The following LRMDA variants were observed in gnomAD, a reference collection of about 807,000 sequenced individuals.
LRMDA encodes leucine rich melanocyte differentiation associated, also known as leucine-rich melanocyte differentiation-associated protein.
In LRMDA, 18 loss-of-function variants were observed where a neutral mutation model predicts 29.8. The ratio of observed to expected loss-of-function variants is 0.60; its 90% CI spans 0.42 to 0.90. LRMDA has a LOEUF of 0.90. Ranked by LOEUF, LRMDA falls within the 40% of genes least tolerant of loss-of-function variation. LRMDA has a pLI of 0.00. For synonymous variants in LRMDA, 125 were observed against 109.4 expected (o/e 1.14, Z -0.89); for missense variants, 273 against 273.9 (o/e 1.00, Z 0.02).
At chr10:76,431,569 A>T (rs1192141489) in intron 6 of LRMDA, among the ~76,000 whole-genome samples, 2 of 152,232 alleles carry the variant, frequency 1.3e-5, no homozygotes, top group Non-Finnish European at 2.9e-5. Context: ...TAGGGCAGTT[A>T]TAAATGTAAC....
chr10:75,623,803 G>A (rs1841216738), intron 2 of LRMDA, among the ~76,000 whole-genome samples: 1 of 152,190 alleles, frequency 6.6e-6, no homozygotes, highest in Non-Finnish European at 1.5e-5. Flanking sequence ...CAGCCAAAGT[G>A]GTTTCTTTTT....
At chr10:76,146,074 G>C (rs1850311692) in intron 5 of LRMDA, among the ~76,000 whole-genome samples, 1 of 151,906 alleles carries the variant, frequency 6.6e-6, no homozygotes, top group African/African-American at 2.4e-5. Flanking sequence ...TATAATTTCT[G>C]TTCTTTTACA....
intron 2 of LRMDA, among the ~76,000 whole-genome samples, chr10:75,518,207 C>G (rs976904986): frequency 6.6e-6 from 1 of 152,174 alleles, no homozygotes; most frequent in Admixed American, 6.5e-5. Context: ...GAGGATGATG[C>G]TGGCCTCATA....
At chr10:75,459,602 A>G (rs1844560745) in intron 2 of LRMDA, among the ~76,000 whole-genome samples, 1 of 152,216 alleles carries the variant, frequency 6.6e-6, no homozygotes, top group African/African-American at 2.4e-5. Context: ...GAATACAAAT[A>G]TATATATTTT....
intron 5 of LRMDA, among the ~76,000 whole-genome samples, chr10:76,190,117 T>C (rs1323464551): frequency 6.6e-6 from 1 of 152,142 alleles, no homozygotes; most frequent in Non-Finnish European, 1.5e-5. Context: ...GTCTGAAGGC[T>C]CACAATTCAA....
At chr10:75,765,507 T>C (rs971329615) in intron 2 of LRMDA, among the ~76,000 whole-genome samples, 1 of 152,226 alleles carries the variant, frequency 6.6e-6, no homozygotes, top group Non-Finnish European at 1.5e-5. Context: ...GACTATTTAC[T>C]TCACATGGCA....
chr10:75,675,841 T>C (rs1841953857), intron 2 of LRMDA, among the ~76,000 whole-genome samples: 1 of 152,210 alleles, frequency 6.6e-6, no homozygotes. Context: ...GATTAGAGCC[T>C]TTTGAAATCT....
At chr10:75,482,600 G>A (rs1262786510) in intron 2 of LRMDA, among the ~76,000 whole-genome samples, 1 of 152,108 alleles carries the variant, frequency 6.6e-6, no homozygotes, top group Non-Finnish European at 1.5e-5. Flanking sequence ...CCTGCACAGG[G>A]TCTGACCCAT....
chr10:76,214,511 A>AT (rs375752437), intron 5 of LRMDA, among the ~76,000 whole-genome samples: 9,296 of 150,152 alleles, frequency 0.062, 328 homozygotes, highest in South Asian at 0.089. Context: ...CGCCCGGCTA[A>AT]TTTTTTGTAT....
At chr10:75,710,380 G>A (rs77942445) in intron 2 of LRMDA, among the ~76,000 whole-genome samples, 2,234 of 152,222 alleles carry the variant, frequency 0.015, 70 homozygotes, top group African/African-American at 0.052. Flanking sequence ...TAACAATACG[G>A]TTAATAGCAA....
At position 75,586,344 on chromosome 10, in the gene LRMDA, C is replaced by CTTTTTTTTTTTT. The variant is rs748097971; in HGVS notation, c.131+147864_131+147875dup. Among the ~76,000 whole-genome samples, 3 of 29,036 alleles carry CTTTTTTTTTTTT rather than the reference C, an allele frequency of 1.0e-4. 1 individual carries two copies. The highest frequency in any genetic ancestry group is 2.0e-4 in the Non-Finnish European group (3 of 14,748). The allele number at this position is 29,036 out of a possible 152,430, so 19.0% of individuals were successfully genotyped here. ...TTTCTTCACATCTTCACCAACACGT[C>CTTTTTTTTTTTT]TTTTTTTTTTTTTTTTTTTTTTTTT... On this transcript the variant is annotated intron_variant, in intron 2 of 6. Transcript: ENST00000611255.
At chr10:76,468,133 G>A (rs1842582240) in intron 6 of LRMDA, among the ~76,000 whole-genome samples, 1 of 128,580 alleles carries the variant, frequency 7.8e-6, no homozygotes, top group African/African-American at 2.5e-5. Flanking sequence ...GCTGTAGACT[G>A]TAGCTATGCC....
At chr10:76,031,740 G>A (rs1319179334) in intron 2 of LRMDA, among the ~76,000 whole-genome samples, 1 of 152,132 alleles carries the variant, frequency 6.6e-6, no homozygotes, top group Non-Finnish European at 1.5e-5. Context: ...TAAAAATATG[G>A]GCAGGGATAT....
intron 2 of LRMDA, among the ~76,000 whole-genome samples, chr10:75,945,165 T>A (rs777293857): frequency 6.6e-6 from 1 of 152,210 alleles, no homozygotes; most frequent in Non-Finnish European, 1.5e-5. Context: ...ATGCTGAGAT[T>A]TTGTTCTAGC....
At chr10:75,988,338 C>A (rs1272004943) in intron 2 of LRMDA, among the ~76,000 whole-genome samples, 4 of 152,102 alleles carry the variant, frequency 2.6e-5, no homozygotes, top group Admixed American at 6.5e-5. Flanking sequence ...CCTCCACCAC[C>A]TTGAAGGCCG....
At chr10:75,894,951 A>G (rs1163625925) in intron 2 of LRMDA, among the ~76,000 whole-genome samples, 1 of 152,220 alleles carries the variant, frequency 6.6e-6, no homozygotes, top group African/African-American at 2.4e-5. Flanking sequence ...CTTTCAGATG[A>G]GAAACTGGTT....
chr10:76,103,132 G>A (rs1371725852), intron 5 of LRMDA, among the ~76,000 whole-genome samples: 1 of 152,190 alleles, frequency 6.6e-6, no homozygotes, highest in Non-Finnish European at 1.5e-5. Context: ...CATTATTGAA[G>A]TAAGACAGGC....
At chr10:76,121,311 G>T (rs1306126933) in intron 5 of LRMDA, among the ~76,000 whole-genome samples, 3 of 152,160 alleles carry the variant, frequency 2.0e-5, no homozygotes, top group Admixed American at 2.0e-4. Context: ...TAGTTAATGA[G>T]GCAATTGTCT....
intron 5 of LRMDA, among the ~76,000 whole-genome samples, chr10:76,181,956 C>T (rs925788423): frequency 1.3e-5 from 2 of 152,142 alleles, no homozygotes; most frequent in Non-Finnish European, 2.9e-5. Context: ...TTCTATTCAG[C>T]ACCTTTAATG....
Sources: gnomAD v4.1 joint callset for allele counts (sites outside exome capture counted in the v4.1 genomes callset) on GRCh38, gnomAD v4.1.1 for gene constraint, MANE v1.5 for transcripts, NCBI Gene and HGNC (gene_info 2026-07-23, HGNC 2026-07-21) for gene names.